ZNF385C: variants seen among roughly 807,000 people sequenced by gnomAD.
The protein encoded by ZNF385C is CTD-2132N18.2.
A neutral mutation model predicts 35.4 loss-of-function variants in ZNF385C; 28 were observed. The observed-to-expected ratio is 0.79, with a 90% confidence interval of 0.59 to 1.08. The LOEUF is 1.08. Ranked by LOEUF, ZNF385C falls within the 50% of genes least tolerant of loss-of-function variation. ZNF385C has a pLI of 0.00. For missense variants in ZNF385C, 605 were observed against 595.6 expected (o/e 1.02, Z -0.16); for synonymous variants, 248 against 248.2 (o/e 1.00, Z 0.01).
Position 42,026,656 on chromosome 17 carries a change from G to A in ZNF385C, c.*241C>T, listed in dbSNP as rs1433806105. On this transcript the variant is annotated 3_prime_UTR_variant, in exon 9 of 9. Transcript: ENST00000692273. ...GGCTGAGATTTTGCATAGATCTTTGGGGTCTGTCAGGGTGGGAAATGCAGG... is the reference window on the plus strand; with the variant it reads ...GGCTGAGATTTTGCATAGATCTTTGAGGTCTGTCAGGGTGGGAAATGCAGG... The A allele has an allele frequency of 1.7e-6, 1 of 575,572 alleles. No individual in the cohort carries two copies. The highest frequency in any genetic ancestry group is 3.1e-6 in the Non-Finnish European group (1 of 322,052). 35.7% of individuals were successfully genotyped at this position (575,572 alleles called of 1,614,324 possible).
At chr17:42,094,823 C>A (rs1252566346) in intron 1 of ZNF385C, among the ~76,000 whole-genome samples, 1 of 152,186 alleles carries the variant, frequency 6.6e-6, no homozygotes, top group Non-Finnish European at 1.5e-5. Flanking sequence ...AAAGCTTAAC[C>A]AACCGCTGCC....
chr17:42,037,593 G>T, intron 3 of ZNF385C, 144 bp downstream of exon 3: 1 of 1,008,196 alleles, frequency 9.9e-7, no homozygotes, highest in Non-Finnish European at 1.4e-6. Context: ...GTCCCTATTT[G>T]GGGAGCACCT....
At chr17:42,034,145 G>C in intron 4 of ZNF385C, 80 bp downstream of exon 4, 1 of 1,147,384 alleles carries the variant, frequency 8.7e-7, no homozygotes, top group Non-Finnish European at 1.3e-6. Flanking sequence ...ATTCCTCCCA[G>C]AAGGACTCTG....
At chr17:42,085,596 A>AT (rs781825380) in intron 1 of ZNF385C, among the ~76,000 whole-genome samples, 3,130 of 107,538 alleles carry the variant, frequency 0.029, 95 homozygotes, top group Admixed American at 0.072. Flanking sequence ...TCTGCAAAAC[A>AT]TTTTTTTTTT....
chr17:42,056,830 G>A (rs1395529281), intron 2 of ZNF385C, among the ~76,000 whole-genome samples: 4 of 152,030 alleles, frequency 2.6e-5, no homozygotes, highest in Admixed American at 1.3e-4. Context: ...TTCACCTTCC[G>A]TCATGACTGT....
chr17:42,047,526 G>A (rs890962508), intron 2 of ZNF385C, among the ~76,000 whole-genome samples: 2 of 152,126 alleles, frequency 1.3e-5, no homozygotes, highest in Non-Finnish European at 2.9e-5. Context: ...ATGTATACCA[G>A]TGCCCTGTGT....
rs2052974167 is a variant in ZNF385C, at chr17:42,040,032, T to C, written c.251-2147A>G. 4.9e-6 allele frequency: 6 copies of C among 1,231,014 alleles called. No homozygotes were observed. In the South Asian group the frequency reaches 1.2e-4, roughly 25 times the overall value. 76.3% of individuals were successfully genotyped at this position (1,231,014 alleles called of 1,614,324 possible). A position where few individuals can be genotyped will look rare whatever the true frequency, so the allele number is the denominator to read the frequency against. ...GGCCGAGCCGCCCAAGGCCGAATAC[T>C]ACGCGCTTAAACAGCGCGAAGTCGC... is the stretch of plus-strand genomic sequence containing the variant. On this transcript the variant is annotated intron_variant, in intron 2 of 8. Coordinates refer to ENST00000692273, the MANE Select transcript of ZNF385C (RefSeq NM_001392013.1).
chr17:42,039,721 C>T, intron 2 of ZNF385C: 74 of 1,232,522 alleles, frequency 6.0e-5, no homozygotes, highest in Non-Finnish European at 7.4e-5. Context: ...GAGCTGCGAC[C>T]CCAGGAAGCC....
At position 42,095,648 on chromosome 17, in the gene ZNF385C, T is replaced by C. The variant is rs1189527807; in HGVS notation, c.-3+2762A>G. ...AAAAAAAATTGTCCCAGTTTTGTGGTGGATAATGAGGTCAGGAGGCCCACA... is the reference window on the plus strand; with the variant it reads ...AAAAAAAATTGTCCCAGTTTTGTGGCGGATAATGAGGTCAGGAGGCCCACA... On this transcript the variant is annotated intron_variant, in intron 1 of 8. Transcript: ENST00000692273. This position sits in a 1 kb window ranked among gnomAD's most constrained non-coding sequence, Gnocchi z 4.4. Among the ~76,000 whole-genome samples, 1 of 151,832 alleles carries C rather than the reference T, an allele frequency of 6.6e-6. No individual in the cohort carries two copies. The highest frequency in any genetic ancestry group is 2.4e-5 in the African/African-American group (1 of 41,274).
At chr17:42,035,764 G>A (rs1298432665) in intron 3 of ZNF385C, among the ~76,000 whole-genome samples, 1 of 151,842 alleles carries the variant, frequency 6.6e-6, no homozygotes, top group Non-Finnish European at 1.5e-5. Context: ...TGTTGGCCAG[G>A]CTGGTCTCGA....
In ZNF385C at chr17:42,027,669, G is replaced by T; in HGVS notation, c.1224C>A (p.Ser408Arg). Residue 408 changes from serine (S) to arginine (R), a missense_variant, in exon 8 of 9, where the codon AGC (serine) becomes AGA (arginine). Ser to Arg is a moderately radical substitution (Grantham distance 110, BLOSUM62 -1). Transcript: ENST00000692273. ...CGTGCTTCTGCAGCTTGCTGTGCTG[G>T]CTGGAGGGCTTGGGGGTCTTCCCGG... ...RLAGKTPKPS[S>R]QHSKLQKHAA... The T allele has an allele frequency of 6.2e-7, 1 of 1,611,574 alleles. No individual in the cohort carries two copies. The highest frequency in any genetic ancestry group is 8.5e-7 in the Non-Finnish European group (1 of 1,179,168).
chr17:42,041,630 A>T (rs1194105508), intron 2 of ZNF385C, among the ~76,000 whole-genome samples: 4 of 152,220 alleles, frequency 2.6e-5, no homozygotes, highest in African/African-American at 9.6e-5. Context: ...AGTCTGCCCT[A>T]TTCCTGGGGG....
chr17:42,092,856 G>A (rs2053876675), intron 1 of ZNF385C, among the ~76,000 whole-genome samples: 1 of 151,988 alleles, frequency 6.6e-6, no homozygotes, highest in Non-Finnish European at 1.5e-5. Context: ...ACTGAACAGA[G>A]CTGAGATCAG....
At chr17:42,058,682 T>C (rs1363305375) in intron 2 of ZNF385C, among the ~76,000 whole-genome samples, 1 of 152,112 alleles carries the variant, frequency 6.6e-6, no homozygotes, top group Admixed American at 6.5e-5. Context: ...TTTTTTGAGA[T>C]GGAGTCTCTA....
In ZNF385C at chr17:42,025,859, CAG is replaced by C. The variant is rs1216223999; in HGVS notation, c.*1036_*1037del. The stretch of plus-strand genomic sequence containing the variant: ...CTCCCAACACTCAGCTTCACAGTGG[CAG>C]GGGCTGGTTGGGAGAAGGGAAAGCT... On this transcript the variant is annotated 3_prime_UTR_variant, in exon 9 of 9. Coordinates refer to ENST00000692273, the MANE Select transcript of ZNF385C (RefSeq NM_001392013.1). The C allele has an allele frequency of 1.3e-5, 2 of 152,138 alleles. No individual in the cohort carries two copies. The highest frequency in any genetic ancestry group is 6.5e-5 in the Admixed American group (1 of 15,270). The allele number at this position is 152,138 out of a possible 1,614,324, so 9.4% of individuals were successfully genotyped here.
At chr17:42,057,342 CTGTG>C (rs1279807393) in intron 2 of ZNF385C, among the ~76,000 whole-genome samples, 2 of 152,176 alleles carry the variant, frequency 1.3e-5, no homozygotes, top group Non-Finnish European at 2.9e-5. Flanking sequence ...AGCAGATCCT[CTGTG>C]TGGGGCTGGG....
chr17:42,028,197 C>T lies in ZNF385C; in HGVS notation c.1017G>A (p.Arg339=), dbSNP rs2052640794. Residue 339 remains arginine (R), a synonymous_variant, in exon 7 of 9, where the codon AGG becomes AGA. Transcript: ENST00000692273. ...MMEGQRGAPR[R]SRGRPVSRGG... is the part of the protein sequence containing the mutation. The stretch of plus-strand genomic sequence containing the variant: ...CCCTGGACACCGGGCGGCCCCGGCT[C>T]CTCCGGGGAGCCCCTCGCTGACCTT... The T allele has an allele frequency of 1.3e-6, 2 of 1,578,124 alleles. No individual in the cohort carries two copies. Among genetic ancestry groups the T allele is most frequent in the South Asian group, 1.1e-5 (1 of 86,968 alleles).
intron 3 of ZNF385C, among the ~76,000 whole-genome samples, chr17:42,035,421 T>G (rs1256511089): frequency 6.6e-6 from 1 of 151,830 alleles, no homozygotes; most frequent in Non-Finnish European, 1.5e-5. Context: ...GACAAAGAAC[T>G]CGTCTGTTGG....
rs1555655643 is a variant in ZNF385C at position 42,037,862 on chromosome 17, TG to T, written c.273del (p.Ser92AlafsTer61). 4 of 1,520,822 alleles carry T rather than the reference TG, an allele frequency of 2.6e-6. No homozygotes were observed. The highest frequency in any genetic ancestry group is 3.5e-6 in the Non-Finnish European group (4 of 1,131,340). 94.2% of individuals were successfully genotyped at this position (1,520,822 alleles called of 1,614,324 possible). On this transcript the variant is annotated frameshift_variant, in exon 3 of 9. Coordinates refer to ENST00000692273, the MANE Select transcript of ZNF385C (RefSeq NM_001392013.1). LOFTEE classifies it high-confidence loss of function. ...AGGGGCAGGGAGGCCAGCAGGGGGC[TG>T]GGGGCGCCGGAGGCCGGGCCTGCTG... ...SGPAGPASGA[P>X]SPLLASLPLP... is the part of the protein sequence containing the mutation.
Sources: allele counts gnomAD v4.1 joint callset (sites outside exome capture counted in the v4.1 genomes callset), GRCh38; gene constraint gnomAD v4.1.1; non-coding constraint Gnocchi (gnomAD v3.1); transcripts MANE v1.5; gene names NCBI Gene and HGNC (gene_info 2026-07-23, HGNC 2026-07-21).